The following PDE3B variants were observed in gnomAD, a reference collection of about 807,000 sequenced individuals.
The protein encoded by PDE3B is cGMP-inhibited 3',5'-cyclic phosphodiesterase 3B.
In PDE3B, 66 loss-of-function variants were observed where a neutral mutation model predicts 116.8. The ratio of observed to expected loss-of-function variants is 0.56; its 90% CI spans 0.46 to 0.69. The LOEUF (loss-of-function observed/expected upper bound fraction) is 0.69, where lower values mean the gene tolerates loss of function less well. Among genes scored for constraint, PDE3B ranks in the 30% least tolerant of loss-of-function variants. PDE3B has a pLI of 0.00. For synonymous variants in PDE3B, 595 were observed against 533.6 expected, an observed-to-expected ratio of 1.12 and a Z score of -1.59; for missense variants, 1,384 against 1,368.1, an observed-to-expected ratio of 1.01 and a Z score of -0.18.
intron 1 of PDE3B, among the ~76,000 whole-genome samples, chr11:14,730,077 A>G (rs956499844): frequency 6.6e-6 from 1 of 152,164 alleles, no homozygotes; most frequent in Non-Finnish European, 1.5e-5. Context: ...GGCTACCACC[A>G]AAAATGAACA....
At chr11:14,860,691 A>C (rs1460614212) in intron 13 of PDE3B, among the ~76,000 whole-genome samples, 1 of 152,176 alleles carries the variant, frequency 6.6e-6, no homozygotes, top group South Asian at 2.1e-4. Context: ...TTTTTGATTC[A>C]GAATACAACT....
In PDE3B at chr11:14,803,930, T is replaced by C; in HGVS notation, c.1416-14T>C. The C allele has an allele frequency of 6.8e-7, 1 of 1,461,824 alleles. No homozygotes were observed. 90.6% of individuals were successfully genotyped at this position (1,461,824 alleles called of 1,614,324 possible). A position where few individuals can be genotyped will look rare whatever the true frequency, so the allele number is the denominator to read the frequency against. ...TGTTTTTAAAAATTTTAACCTGTTA[T>C]TTTTCCCTTTTAGTCAAGGATGCTA... On this transcript the variant is annotated splice_polypyrimidine_tract_variant and intron_variant, in intron 4 of 15. Transcript: ENST00000282096.
At position 14,644,728 on chromosome 11, in the gene PDE3B, ACTGCGTTCTGGTGCTGCTCCTGG is replaced by A. The variant is rs1853330566; in HGVS notation, c.655_677del (p.Cys219GlnfsTer113). On this transcript the variant is annotated frameshift_variant, in exon 1 of 16. Coordinates refer to ENST00000282096, the MANE Select transcript of PDE3B (RefSeq NM_000922.4). LOFTEE classifies it high-confidence loss of function. ...CTCGCGCACCCGCTGCGGCTCCGGC[ACTGCGTTCTGGTGCTGCTCCTGG>A]CCAGCTTCGTCTGGTGGGTCTCCTT... The A allele has an allele frequency of 6.4e-7, 1 of 1,561,470 alleles. No homozygotes were observed. The highest frequency in any genetic ancestry group is 8.7e-7 in the Non-Finnish European group (1 of 1,155,598).
chr11:14,725,150 T>C (rs2133847276), intron 1 of PDE3B, among the ~76,000 whole-genome samples: 2 of 152,306 alleles, frequency 1.3e-5, no homozygotes, highest in Middle Eastern at 3.4e-3. Context: ...GAGGTATCTA[T>C]ATCCAAATCC....
chr11:14,732,855 A>T, intron 1 of PDE3B, among the ~76,000 whole-genome samples: 1 of 152,204 alleles, frequency 6.6e-6, no homozygotes, highest in Non-Finnish European at 1.5e-5. Context: ...TCAAGAGTCA[A>T]CTGTGTATCA....
chr11:14,877,039 T>G (rs1848197784), downstream of PDE3B, among the ~76,000 whole-genome samples: 1 of 152,154 alleles, frequency 6.6e-6, no homozygotes. Flanking sequence ...AGTCATTGTG[T>G]GCACTGACTC....
chr11:14,846,728 C>G (rs1480076005), intron 12 of PDE3B, among the ~76,000 whole-genome samples: 3 of 151,984 alleles, frequency 2.0e-5, no homozygotes, highest in South Asian at 4.2e-4. Context: ...CAACAAAGAT[C>G]AAAAGAGACA....
intron 4 of PDE3B, among the ~76,000 whole-genome samples, chr11:14,801,228 G>T (rs908322952): frequency 6.6e-6 from 1 of 152,114 alleles, no homozygotes; most frequent in Non-Finnish European, 1.5e-5. Flanking sequence ...TGGAGAAGAG[G>T]CGTTGTGTTT....
At chr11:14,769,522 C>G in intron 1 of PDE3B, among the ~76,000 whole-genome samples, 1 of 150,176 alleles carries the variant, frequency 6.7e-6, no homozygotes, top group African/African-American at 2.4e-5. Context: ...TGAGATTGCT[C>G]TTATAAGCAA....
chr11:14,672,708 A>G (rs962908228), intron 1 of PDE3B, among the ~76,000 whole-genome samples: 4 of 152,082 alleles, frequency 2.6e-5, no homozygotes, highest in African/African-American at 7.2e-5. Flanking sequence ...AAGCTAGGAC[A>G]TTGTCACACT....
At chr11:14,890,302 T>C in the PDE3B span, 1 of 220,990 alleles carries the variant, frequency 4.5e-6, no homozygotes, top group Non-Finnish European at 7.6e-6. Flanking sequence ...ACATTTTATT[T>C]CTCTAGAATA....
At chr11:14,725,333 C>CTTTCTTTCTTTCTTTCTTTCTT (rs1856267115) in intron 1 of PDE3B, among the ~76,000 whole-genome samples, 1 of 133,450 alleles carries the variant, frequency 7.5e-6, no homozygotes, top group African/African-American at 3.2e-5. Flanking sequence ...CTTTCTTTTT[C>CTTTCTTTCTTTCTTTCTTTCTT]TTTCTTTCTT....
chr11:14,674,575 T>G, intron 1 of PDE3B: 1 of 340,172 alleles, frequency 2.9e-6, no homozygotes, highest in Non-Finnish European at 5.9e-6. Flanking sequence ...ATTTGCTGTC[T>G]CCTCCTTCTC....
intron 1 of PDE3B, among the ~76,000 whole-genome samples, chr11:14,705,073 C>G (rs1048573070): frequency 4.0e-5 from 6 of 151,718 alleles, no homozygotes; most frequent in Non-Finnish European, 8.9e-5. Flanking sequence ...CTACTACATT[C>G]TAGAAGATTT....
chr11:14,797,057 G>C (rs1009152024), intron 4 of PDE3B, among the ~76,000 whole-genome samples: 12 of 152,104 alleles, frequency 7.9e-5, no homozygotes, highest in African/African-American at 1.2e-4. Flanking sequence ...GTAAGAAAGG[G>C]GTCCAGTTTC....
At position 14,786,485 on chromosome 11, in the gene PDE3B, C is replaced by T. The variant is rs750303559; in HGVS notation, c.1078C>T (p.Arg360Cys). 10 of 1,611,974 alleles carry T rather than the reference C, an allele frequency of 6.2e-6. No individual in the cohort carries two copies. The highest frequency in any genetic ancestry group is 2.7e-5 in the African/African-American group (2 of 74,778). ...GVDLSVLNEA[R>C]NMVSDLLTDP... ...TGATCTTTCAGTGCTAAATGAGGCT[C>T]GCAATATGGTGTCAGATCTTCTGAC... The change falls in exon 3 of 16, where the codon CGC becomes TGC. Residue 360 changes from arginine (R) to cysteine (C), a missense_variant. Arg to Cys is a radical substitution (Grantham distance 180). Coordinates refer to ENST00000282096, the MANE Select transcript of PDE3B (RefSeq NM_000922.4).
At chr11:14,847,063 A>G (rs1847623305) in intron 12 of PDE3B, among the ~76,000 whole-genome samples, 1 of 152,232 alleles carries the variant, frequency 6.6e-6, no homozygotes, top group African/African-American at 2.4e-5. Flanking sequence ...GACCACTCCT[A>G]TTCCAAAATT....
chr11:14,735,189 C>G (rs1856564198), intron 1 of PDE3B, among the ~76,000 whole-genome samples: 1 of 152,086 alleles, frequency 6.6e-6, no homozygotes, highest in South Asian at 2.1e-4. Flanking sequence ...CCTCTGCACT[C>G]TGGCTTGAAG....
chr11:14,862,887 A>C lies in PDE3B; in HGVS notation c.2886+1521A>C, dbSNP rs546184497. On this transcript the variant is annotated intron_variant, in intron 14 of 15. Transcript: ENST00000282096. ...GTGCCCGGCTGTTCTTAAATCTTTA[A>C]TTTTTTTTTAAATTATTCTTTAAGT... Among the ~76,000 whole-genome samples the C allele has an allele frequency of 2.0e-5, 3 of 151,626 alleles. No homozygotes were observed. The East Asian group carries it at 5.8e-4, about 29-fold the overall frequency.
Sources: gnomAD v4.1 joint callset for allele counts (sites outside exome capture counted in the v4.1 genomes callset) on GRCh38, gnomAD v4.1.1 for gene constraint, MANE v1.5 for transcripts, NCBI Gene and HGNC (gene_info 2026-07-23, HGNC 2026-07-21) for gene names.